The following PTCHD4 variants were observed in gnomAD, a reference collection of about 807,000 sequenced individuals.
The protein encoded by PTCHD4 is patched domain-containing protein 4.
A neutral mutation model predicts 58.1 loss-of-function variants in PTCHD4; 33 were observed. The ratio of observed to expected loss-of-function variants is 0.57; its 90% CI spans 0.43 to 0.76. PTCHD4 has a LOEUF of 0.76. Ranked by LOEUF, PTCHD4 falls within the 30% of genes least tolerant of loss-of-function variation. The pLI is 0.00. For synonymous variants in PTCHD4, 478 were observed against 409.6 expected, an observed-to-expected ratio of 1.17 and a Z score of -2.02; for missense variants, 1,058 against 1,027.1, an observed-to-expected ratio of 1.03 and a Z score of -0.41.
At chr6:47,937,290 C>A (rs1337745429) in intron 4 of PTCHD4, among the ~76,000 whole-genome samples, 1 of 152,038 alleles carries the variant, frequency 6.6e-6, no homozygotes, top group Non-Finnish European at 1.5e-5. Context: ...TACTGTAGTA[C>A]CATCATGAAA....
chr6:47,868,891 C>G lies in PTCHD4; in HGVS notation c.*9412G>C, dbSNP rs1347920128. The stretch of plus-strand genomic sequence containing the variant: ...ATACTAAATTTGGACAGGAAAATGG[C>G]TATTGAATAAGTCCAAACATTTCCA... On this transcript the variant is annotated 3_prime_UTR_variant, in exon 5 of 5. Transcript: ENST00000339488. 1.3e-5 allele frequency among the ~76,000 whole-genome samples: 2 copies of G among 151,566 alleles called. No homozygotes were observed. Among genetic ancestry groups the G allele is most frequent in the Non-Finnish European group, 3.0e-5 (2 of 67,740 alleles).
At chr6:48,080,246 C>T (rs544572031) in intron 1 of PTCHD4, among the ~76,000 whole-genome samples, 1 of 152,160 alleles carries the variant, frequency 6.6e-6, no homozygotes, top group Non-Finnish European at 1.5e-5. Flanking sequence ...AATATTCAGC[C>T]TTTTAGCTAA....
intron 4 of PTCHD4, among the ~76,000 whole-genome samples, chr6:47,947,463 C>T (rs1766468776): frequency 6.6e-6 from 1 of 151,920 alleles, no homozygotes; most frequent in Non-Finnish European, 1.5e-5. Flanking sequence ...CATTCATTAG[C>T]TCCTCCTTTA....
At chr6:47,930,952 C>T (rs1387370813) in intron 4 of PTCHD4, among the ~76,000 whole-genome samples, 1 of 152,162 alleles carries the variant, frequency 6.6e-6, no homozygotes, top group Non-Finnish European at 1.5e-5. Context: ...TGCCACCACA[C>T]CTGGCTAATT....
Position 47,857,485 on chromosome 6 carries a change from G to T in PTCHD4, c.*20818C>A, listed in dbSNP as rs892480149. The stretch of plus-strand genomic sequence containing the variant: ...TGGCAAGATAAAAAACTAACCCTTG[G>T]GTTCAAACAATAAATGAGGAGTCTG... On this transcript the variant is annotated 3_prime_UTR_variant, in exon 5 of 5. Transcript: ENST00000339488. Among the ~76,000 whole-genome samples, 7 of 152,016 alleles carry T rather than the reference G, an allele frequency of 4.6e-5. No individual in the cohort carries two copies. Among genetic ancestry groups the T allele is most frequent in the African/African-American group, 1.7e-4 (7 of 41,496 alleles).
chr6:47,933,048 A>G (rs1251620149), intron 4 of PTCHD4, among the ~76,000 whole-genome samples: 1 of 152,186 alleles, frequency 6.6e-6, no homozygotes, highest in Admixed American at 6.5e-5. Context: ...TTGCTGCTGC[A>G]CTTGTGATCA....
At position 47,865,098 on chromosome 6, in the gene PTCHD4, G is replaced by A. The variant is rs2114065837; in HGVS notation, c.*13205C>T. ...AGAATTATTTGCTAATTAAATTGAT[G>A]TTTATATATGTAGATTAATCTAGAT... On this transcript the variant is annotated 3_prime_UTR_variant, in exon 5 of 5. Transcript: ENST00000339488. 6.6e-6 allele frequency among the ~76,000 whole-genome samples: 1 copy of A among 151,830 alleles called. No individual in the cohort carries two copies. The highest frequency in any genetic ancestry group is 1.5e-5 in the Non-Finnish European group (1 of 67,856).
At chr6:47,883,660 G>T (rs139542540) in intron 4 of PTCHD4, among the ~76,000 whole-genome samples, 2 of 152,006 alleles carry the variant, frequency 1.3e-5, no homozygotes, top group Admixed American at 6.6e-5. Context: ...TTAATCCAGG[G>T]TTTCCCAACT....
chr6:47,923,471 A>C (rs1045450919), intron 4 of PTCHD4, among the ~76,000 whole-genome samples: 4 of 152,212 alleles, frequency 2.6e-5, no homozygotes, highest in Non-Finnish European at 5.9e-5. Flanking sequence ...AAAGAAACTT[A>C]AGTTGCACAG....
Position 47,876,690 on chromosome 6 carries a change from T to G in PTCHD4, c.*1613A>C, listed in dbSNP as rs758943655. Among the ~76,000 whole-genome samples the G allele has an allele frequency of 6.6e-6, 1 of 152,052 alleles. No individual in the cohort carries two copies. The highest frequency in any genetic ancestry group is 3.2e-3 in the Middle Eastern group (1 of 316). ...TAAAAGAGCTTACTAGCAGATTTTA[T>G]AATCATCGGACATTTATTCTGTCCT... On this transcript the variant is annotated 3_prime_UTR_variant, in exon 5 of 5. Coordinates refer to ENST00000339488, the MANE Select transcript of PTCHD4 (RefSeq NM_001384253.1).
At chr6:47,987,962 A>G (rs1768135345) in intron 4 of PTCHD4, among the ~76,000 whole-genome samples, 1 of 152,062 alleles carries the variant, frequency 6.6e-6, no homozygotes, top group Non-Finnish European at 1.5e-5. Flanking sequence ...TTTTTAGTAG[A>G]GATGGGTTTT....
rs1161839463 is a variant in PTCHD4, at chr6:47,877,346, C to T, written c.*957G>A. 3.9e-5 allele frequency among the ~76,000 whole-genome samples: 6 copies of T among 152,018 alleles called. No homozygotes were observed. The highest frequency in any genetic ancestry group is 8.8e-5 in the Non-Finnish European group (6 of 67,970). Reference sequence around the variant, plus strand: ...TCATGTATGGATAATCTGTGTAAAGCGCTCATTTGCAATTGGGTGAGCTCA... The same window carrying T: ...TCATGTATGGATAATCTGTGTAAAGTGCTCATTTGCAATTGGGTGAGCTCA... On this transcript the variant is annotated 3_prime_UTR_variant, in exon 5 of 5. Transcript: ENST00000339488.
At chr6:47,882,187 C>G (rs1581820450) in intron 4 of PTCHD4, among the ~76,000 whole-genome samples, 1 of 152,000 alleles carries the variant, frequency 6.6e-6, no homozygotes, top group South Asian at 2.1e-4. Flanking sequence ...ATGAGGACTC[C>G]TGCTATCTTT....
chr6:48,017,951 G>T (rs1762923785), intron 3 of PTCHD4, among the ~76,000 whole-genome samples: 1 of 152,176 alleles, frequency 6.6e-6, no homozygotes, highest in African/African-American at 2.4e-5. Flanking sequence ...CTCCCTGTGT[G>T]TCAGTTTTAT....
chr6:47,990,170 C>A (rs1029493832), intron 4 of PTCHD4, among the ~76,000 whole-genome samples: 1 of 152,172 alleles, frequency 6.6e-6, no homozygotes, highest in African/African-American at 2.4e-5. Context: ...TACCCAATAC[C>A]TGTAGCCCCA....
chr6:47,992,291 G>A (rs900113785), intron 4 of PTCHD4, among the ~76,000 whole-genome samples: 2 of 151,968 alleles, frequency 1.3e-5, no homozygotes, highest in African/African-American at 2.4e-5. Context: ...ACACACACGT[G>A]AACATATATA....
chr6:47,877,404 G>A lies in PTCHD4; in HGVS notation c.*899C>T, dbSNP rs781265828. On this transcript the variant is annotated 3_prime_UTR_variant, in exon 5 of 5. Coordinates refer to ENST00000339488, the MANE Select transcript of PTCHD4 (RefSeq NM_001384253.1). ...CAGCCATATCAGTCTTCCAAATACAGTAAAAGCCAACGAAAATCCATATCA... is the reference window on the plus strand; with the variant it reads ...CAGCCATATCAGTCTTCCAAATACAATAAAAGCCAACGAAAATCCATATCA... Among the ~76,000 whole-genome samples the A allele has an allele frequency of 6.6e-6, 1 of 151,992 alleles. No homozygotes were observed. Among genetic ancestry groups the A allele is most frequent in the Non-Finnish European group, 1.5e-5 (1 of 67,962 alleles).
chr6:47,978,367 G>C (rs574734368), intron 4 of PTCHD4, among the ~76,000 whole-genome samples: 3 of 152,152 alleles, frequency 2.0e-5, no homozygotes, highest in Non-Finnish European at 4.4e-5. Flanking sequence ...GGCGGTATGA[G>C]TTAGAGGTCT....
At chr6:47,914,733 T>TC (rs1377405888) in intron 4 of PTCHD4, among the ~76,000 whole-genome samples, 2 of 61,720 alleles carry the variant, frequency 3.2e-5, no homozygotes, top group East Asian at 9.4e-4. Flanking sequence ...TATCTATCTA[T>TC]TATCTATCTA....
Sources: allele counts gnomAD v4.1 joint callset (sites outside exome capture counted in the v4.1 genomes callset), GRCh38; gene constraint gnomAD v4.1.1; transcripts MANE v1.5; gene names NCBI Gene and HGNC (gene_info 2026-07-23, HGNC 2026-07-21).